NPAS1: variants seen among roughly 807,000 people sequenced by gnomAD.
NPAS1 encodes the protein neuronal PAS domain-containing protein 1.
NPAS1 carries 29 observed loss-of-function variants against 49.2 expected under a neutral mutation model. The ratio of observed to expected loss-of-function variants is 0.59; its 90% CI spans 0.44 to 0.80. NPAS1 has a LOEUF of 0.80. Ranked by LOEUF, NPAS1 falls within the 30% of genes least tolerant of loss-of-function variation. NPAS1 has a pLI of 0.00. For missense variants in NPAS1, 825 were observed against 835.5 expected (o/e 0.99, Z 0.15); for synonymous variants, 408 against 380.4 (o/e 1.07, Z -0.84).
intron 3 of NPAS1, among the ~76,000 whole-genome samples, chr19:47,025,470 G>A (rs1165857463): frequency 2.0e-5 from 3 of 149,176 alleles, no homozygotes; most frequent in African/African-American, 7.3e-5. Context: ...TAGAGATGGG[G>A]TTTCTCCATG....
At chr19:47,041,176 C>T (rs1156862088) in intron 10 of NPAS1, 51 bp downstream of exon 10, 1 of 1,458,912 alleles carries the variant, frequency 6.9e-7, no homozygotes, top group African/African-American at 1.4e-5. Flanking sequence ...CCTGCTGTCT[C>T]TCCCCACCTC....
intron 6 of NPAS1, 48 bp downstream of exon 6, chr19:47,036,177 G>T (rs774693469): frequency 5.2e-6 from 8 of 1,528,102 alleles, no homozygotes; most frequent in Admixed American, 2.0e-5. Flanking sequence ...TAGATCGGGG[G>T]ACGCCCGCTG....
chr19:47,040,592 C>A, intron 9 of NPAS1, 42 bp downstream of exon 9: 1 of 1,358,648 alleles, frequency 7.4e-7, no homozygotes, highest in Non-Finnish European at 1.0e-6. Context: ...TACCACCCCC[C>A]AGACCCGAGC....
chr19:47,032,225 G>T (rs1032385797), intron 3 of NPAS1, 53 bp from the exon 4 acceptor site: 2 of 1,548,984 alleles, frequency 1.3e-6, no homozygotes, highest in East Asian at 2.2e-5. Flanking sequence ...CGGGGGACCT[G>T]CCCTGGGCAG....
chr19:47,029,562 G>C (rs1211554015), intron 3 of NPAS1, among the ~76,000 whole-genome samples: 1 of 151,656 alleles, frequency 6.6e-6, no homozygotes, highest in Non-Finnish European at 1.5e-5. Flanking sequence ...ACCACACCCA[G>C]CTAATTTTTT....
intron 3 of NPAS1, among the ~76,000 whole-genome samples, chr19:47,028,049 A>G (rs1599897881): frequency 6.6e-6 from 1 of 151,780 alleles, no homozygotes; most frequent in African/African-American, 2.4e-5. Flanking sequence ...AGGGGACCGG[A>G]CCCGTGTATG....
chr19:47,040,361 C>A, intron 8 of NPAS1, 83 bp from the exon 9 acceptor site: 1 of 903,972 alleles, frequency 1.1e-6, no homozygotes, highest in Non-Finnish European at 1.7e-6. Context: ...AGGGTGTGAA[C>A]CCCAGGGGAC....
At chr19:47,038,707 A>C (rs866179343) in intron 6 of NPAS1, among the ~76,000 whole-genome samples, 6 of 152,114 alleles carry the variant, frequency 3.9e-5, no homozygotes, top group Non-Finnish European at 8.8e-5. Context: ...TGTGCCTGTA[A>C]TCCCAGCTAC....
chr19:47,031,195 T>TGTG (rs1231022862), intron 3 of NPAS1, among the ~76,000 whole-genome samples: 1 of 118,434 alleles, frequency 8.4e-6, no homozygotes, highest in African/African-American at 3.1e-5. Context: ...GTGTGTGTGT[T>TGTG]TTTTTTTTTT....
chr19:47,032,223 C>A, intron 3 of NPAS1, 55 bp from the exon 4 acceptor site: 1 of 1,534,124 alleles, frequency 6.5e-7, no homozygotes, highest in Non-Finnish European at 9.0e-7. Context: ...CCCGGGGGAC[C>A]TGCCCTGGGC....
intron 8 of NPAS1, among the ~76,000 whole-genome samples, 177 bp downstream of exon 8, chr19:47,039,741 GGGCGGA>G (rs1415141543): frequency 2.6e-5 from 4 of 152,286 alleles, no homozygotes; most frequent in Non-Finnish European, 5.9e-5. Flanking sequence ...CAGGGGACCA[GGGCGGA>G]GGCCTAGCCC....
chr19:47,032,506 G>A, intron 4 of NPAS1, 137 bp from the exon 5 acceptor site: 1 of 1,083,114 alleles, frequency 9.2e-7, no homozygotes, highest in East Asian at 2.4e-5. Flanking sequence ...CCCTTCCGAG[G>A]ACCACTGAAG....
Position 47,032,131 on chromosome 19 carries a change from C to G in NPAS1, c.359-147C>G, listed in dbSNP as rs112341643. The G allele has an allele frequency of 4.8e-5, 32 of 666,020 alleles. No individual in the cohort carries two copies. The Middle Eastern group carries it at 1.3e-3, about 27-fold the overall frequency. 41.3% of individuals were successfully genotyped at this position (666,020 alleles called of 1,614,324 possible). On this transcript the variant is annotated intron_variant, in intron 3 of 11. Transcript: ENST00000602212. ...CCACCCACCTGTGTGTCCCACGCCC[C>G]AGGTCTCTCCCCCATGGGTGCCCAG...
chr19:47,022,827 A>G (rs550485381), intron 3 of NPAS1, among the ~76,000 whole-genome samples: 47 of 152,364 alleles, frequency 3.1e-4, no homozygotes, highest in African/African-American at 1.1e-3. Flanking sequence ...ATCTAAGTTT[A>G]TTATTATTAC....
intron 11 of NPAS1, among the ~76,000 whole-genome samples, chr19:47,044,632 A>G (rs2122565447): frequency 6.6e-6 from 1 of 152,278 alleles, no homozygotes; most frequent in South Asian, 2.1e-4. Context: ...TGGGATGTTT[A>G]TTTTACAGCA....
At chr19:47,025,478 A>C (rs2056865813) in intron 3 of NPAS1, among the ~76,000 whole-genome samples, 1 of 150,978 alleles carries the variant, frequency 6.6e-6, no homozygotes. Context: ...GGGTTTCTCC[A>C]TGTTGGTCAG....
chr19:47,032,805 C>A, intron 5 of NPAS1, 73 bp downstream of exon 5: 1 of 1,072,178 alleles, frequency 9.3e-7, no homozygotes, highest in Non-Finnish European at 1.4e-6. Flanking sequence ...TATCCTTCCT[C>A]TCTCCTGGTC....
intron 4 of NPAS1, 88 bp from the exon 5 acceptor site, chr19:47,032,555 C>T (rs1319237499): frequency 1.5e-6 from 2 of 1,297,512 alleles, no homozygotes; most frequent in South Asian, 1.2e-5. Flanking sequence ...AGGTGGAGAC[C>T]CAGGTTTCAG....
At position 47,045,375 on chromosome 19, in the gene NPAS1, G is replaced by T; in HGVS notation, c.1497G>T (p.Arg499=). ...TPRPEFTSVI[R]AGVLKQDPVR... is the part of the protein sequence containing the mutation. ...GGCCCGAGTTCACCTCTGTCATCCG[G>T]GCAGGGGTCCTGAAGCAGGATCCGG... Residue 499 remains arginine, a synonymous_variant, in exon 12 of 12, where the codon CGG becomes CGT. Coordinates refer to ENST00000602212, the MANE Select transcript of NPAS1 (RefSeq NM_002517.4). 1 of 1,613,432 alleles carries T rather than the reference G, an allele frequency of 6.2e-7. No individual in the cohort carries two copies. The highest frequency in any genetic ancestry group is 8.5e-7 in the Non-Finnish European group (1 of 1,179,842).
Sources: gnomAD v4.1 joint callset for allele counts (sites outside exome capture counted in the v4.1 genomes callset) on GRCh38, gnomAD v4.1.1 for gene constraint, MANE v1.5 for transcripts, NCBI Gene and HGNC (gene_info 2026-07-23, HGNC 2026-07-21) for gene names.